The following SYN2 variants were observed in gnomAD, a reference collection of about 807,000 sequenced individuals.
SYN2 encodes synapsin II, also known as synapsin-2.
Under a neutral mutation model 50.9 loss-of-function variants are expected in SYN2, and 19 were observed. The ratio of observed to expected loss-of-function variants is 0.37; its 90% confidence interval spans 0.26 to 0.55. The LOEUF (loss-of-function observed/expected upper bound fraction) is 0.55. Among genes scored for constraint, SYN2 ranks in the 20% least tolerant of loss-of-function variants. SYN2 has a pLI of 0.81. For synonymous variants in SYN2, 255 were observed against 224.9 expected, an observed-to-expected ratio of 1.13 and a Z score of -1.20; for missense variants, 587 against 576.4, an observed-to-expected ratio of 1.02 and a Z score of -0.19.
At position 12,190,671 on chromosome 3, in the gene SYN2, A is replaced by G; in HGVS notation, c.*46A>G. 6.3e-7 allele frequency: 1 copy of G among 1,597,884 alleles called. No individual in the cohort carries two copies. Among genetic ancestry groups the G allele is most frequent in the Non-Finnish European group, 8.5e-7 (1 of 1,172,586 alleles). ...CCCAGCCCAACCGGGAAAGGCATCT[A>G]AGACATTCACCAACAACAGTCAGCC... On this transcript the variant is annotated 3_prime_UTR_variant, in exon 13 of 13. Transcript: ENST00000621198.
chr3:12,158,981 G>A, intron 5 of SYN2: 8 of 1,283,198 alleles, frequency 6.2e-6, no homozygotes, highest in South Asian at 4.9e-5. Flanking sequence ...GACGGGCTCC[G>A]CCTTCCTTTG....
intron 1 of SYN2, among the ~76,000 whole-genome samples, chr3:12,074,686 A>G (rs184966115): frequency 6.6e-6 from 1 of 152,134 alleles, no homozygotes. Flanking sequence ...ATTCTGCCTT[A>G]TGCAGACTCT....
chr3:12,097,765 A>C (rs566350341), intron 1 of SYN2, among the ~76,000 whole-genome samples: 2 of 152,306 alleles, frequency 1.3e-5, no homozygotes, highest in South Asian at 2.1e-4. Flanking sequence ...CAGAAAACCA[A>C]ACCCCACATG....
At chr3:12,005,425 A>G (rs1435143033) in intron 1 of SYN2, among the ~76,000 whole-genome samples, 1 of 152,096 alleles carries the variant, frequency 6.6e-6, no homozygotes, top group Non-Finnish European at 1.5e-5. Context: ...AGGACCCATG[A>G]AGGCTGATAT....
Position 12,168,383 on chromosome 3 carries a change from CTG to C in SYN2, c.1066_1067del (p.Trp356GlyfsTer6). On this transcript the variant is annotated frameshift_variant, in exon 9 of 13. Transcript: ENST00000621198. LOFTEE classifies it high-confidence loss of function. ...CCTTCCCATCACCTCCAGGTACAAACTGTGGGTGGACACCTGCTCTGAGATGT... is the reference window on the plus strand; with the variant it reads ...CCTTCCCATCACCTCCAGGTACAAACTGGGTGGACACCTGCTCTGAGATGT... Reference protein sequence around the residue: ...EQIAMSDRYKLWVDTCSEMFG... With the variant: ...EQIAMSDRYKXWVDTCSEMFG... The C allele has an allele frequency of 6.2e-7, 1 of 1,613,496 alleles. No individual in the cohort carries two copies. Among genetic ancestry groups the C allele is most frequent in the South Asian group, 1.1e-5 (1 of 90,886 alleles).
chr3:12,106,234 A>G (rs925153419), intron 1 of SYN2, among the ~76,000 whole-genome samples: 1 of 152,178 alleles, frequency 6.6e-6, no homozygotes. Flanking sequence ...GCAATGGTAC[A>G]TCAAATCCTT....
chr3:12,093,729 G>A (rs1404348633), intron 1 of SYN2, among the ~76,000 whole-genome samples: 1 of 152,082 alleles, frequency 6.6e-6, no homozygotes, highest in Non-Finnish European at 1.5e-5. Context: ...TAGGTGTCCT[G>A]CTGTTCTTTG....
At chr3:12,087,228 A>G (rs1695721455) in intron 1 of SYN2, among the ~76,000 whole-genome samples, 1 of 152,210 alleles carries the variant, frequency 6.6e-6, no homozygotes, top group South Asian at 2.1e-4. Flanking sequence ...CAATAAATGG[A>G]AAGATATCTT....
chr3:12,043,882 C>G (rs549402734), intron 1 of SYN2, among the ~76,000 whole-genome samples: 41 of 152,286 alleles, frequency 2.7e-4, no homozygotes, highest in African/African-American at 9.4e-4. Context: ...ATCTGTTTCT[C>G]TCTCTCAACT....
intron 10 of SYN2, among the ~76,000 whole-genome samples, chr3:12,177,971 C>T (rs1447404430): frequency 6.6e-6 from 1 of 152,194 alleles, no homozygotes; most frequent in African/African-American, 2.4e-5. Context: ...TCCCTGGGCA[C>T]CTTTTAGAAC....
At chr3:12,077,095 C>T (rs1695482368) in intron 1 of SYN2, among the ~76,000 whole-genome samples, 1 of 152,004 alleles carries the variant, frequency 6.6e-6, no homozygotes, top group African/African-American at 2.4e-5. Flanking sequence ...TGCGATGGGG[C>T]AATCTTGCTA....
intron 11 of SYN2, 174 bp downstream of exon 11, chr3:12,183,546 T>G: frequency 6.5e-6 from 10 of 1,531,780 alleles, no homozygotes; most frequent in Non-Finnish European, 8.7e-6. Flanking sequence ...GTTGCTGCGT[T>G]CTTTCAATGC....
intron 1 of SYN2, among the ~76,000 whole-genome samples, chr3:12,135,641 T>C (rs1292534532): frequency 6.6e-6 from 1 of 152,158 alleles, no homozygotes; most frequent in Non-Finnish European, 1.5e-5. Flanking sequence ...TAGACAGAGA[T>C]TGAAAACAGA....
chr3:12,080,790 G>A (rs976641674), intron 1 of SYN2, among the ~76,000 whole-genome samples: 2 of 152,142 alleles, frequency 1.3e-5, no homozygotes, highest in Non-Finnish European at 2.9e-5. Flanking sequence ...TTGTTTTGGG[G>A]TGGAGAGTTC....
intron 10 of SYN2, among the ~76,000 whole-genome samples, chr3:12,176,482 T>G (rs1034148861): frequency 5.3e-5 from 8 of 152,154 alleles, no homozygotes; most frequent in African/African-American, 1.9e-4. Context: ...TGGCTTCCCG[T>G]TTGGCTGGTG....
At chr3:12,005,884 A>G (rs570586108) in intron 1 of SYN2, among the ~76,000 whole-genome samples, 56 of 151,682 alleles carry the variant, frequency 3.7e-4, no homozygotes, top group African/African-American at 1.3e-3. Flanking sequence ...TCTATTTTAT[A>G]GTTAACCTAG....
At chr3:12,072,188 C>CT (rs1271473636) in intron 1 of SYN2, among the ~76,000 whole-genome samples, 2 of 151,978 alleles carry the variant, frequency 1.3e-5, no homozygotes, top group Non-Finnish European at 1.5e-5. Context: ...ATTCGGTTGT[C>CT]TTTTTATTAT....
Position 12,004,854 on chromosome 3 carries a change from C to T in SYN2, c.303C>T (p.Asp101=). The T allele has an allele frequency of 1.8e-6, 1 of 550,320 alleles. No individual in the cohort carries two copies. The highest frequency in any genetic ancestry group is 3.2e-5 in the Admixed American group (1 of 31,134). 34.1% of individuals were successfully genotyped at this position (550,320 alleles called of 1,614,324 possible). A position where few individuals can be genotyped will look rare whatever the true frequency, so the allele number is the denominator to read the frequency against. Residue 101 remains aspartate (D), a synonymous_variant, in exon 1 of 13, where the codon GAC becomes GAT. Coordinates refer to ENST00000621198, the MANE Select transcript of SYN2 (RefSeq NM_133625.6). ...CGGCCGCCTCGGCTGGCCTGGTGGACGCGCCCGCTCCCGCGCCCGCAGCCG... is the reference window on the plus strand; with the variant it reads ...CGGCCGCCTCGGCTGGCCTGGTGGATGCGCCCGCTCCCGCGCCCGCAGCCG... The part of the protein sequence containing the change: ...KQTAASAGLV[D]APAPAPAAAR...
At chr3:12,154,308 G>A in intron 5 of SYN2, 3 of 1,614,130 alleles carry the variant, frequency 1.9e-6, no homozygotes, top group Non-Finnish European at 2.5e-6. Flanking sequence ...AAAGACTTTG[G>A]AAATGGACAT....
Sources: allele counts gnomAD v4.1 joint callset (sites outside exome capture counted in the v4.1 genomes callset), GRCh38; gene constraint gnomAD v4.1.1; transcripts MANE v1.5; gene names NCBI Gene and HGNC (gene_info 2026-07-23, HGNC 2026-07-21).